Variants in TTC29 observed in about 807,000 individuals in gnomAD.
The protein encoded by TTC29 is tetratricopeptide repeat protein 29.
Under a neutral mutation model 58.1 loss-of-function variants are expected in TTC29, and 49 were observed. That is an observed-to-expected ratio of 0.84 (90% CI 0.67 to 1.07). The LOEUF is 1.07. Among genes scored for constraint, TTC29 ranks in the 50% least tolerant of loss-of-function variants. The pLI is 0.00. For missense variants in TTC29, 582 were observed against 555.6 expected (o/e 1.05, Z -0.48); for synonymous variants, 209 against 196.8 (o/e 1.06, Z -0.52).
intron 4 of TTC29, among the ~76,000 whole-genome samples, chr4:146,935,385 G>A (rs748404700): frequency 1.1e-4 from 17 of 152,210 alleles, no homozygotes; most frequent in East Asian, 9.6e-4. Context: ...TTAAAGACAC[G>A]AATAAGGCAG....
intron 10 of TTC29, among the ~76,000 whole-genome samples, chr4:146,811,891 T>C (rs1433985403): frequency 1.3e-5 from 2 of 152,220 alleles, no homozygotes; most frequent in Non-Finnish European, 2.9e-5. Flanking sequence ...GAGAACTGTT[T>C]ATTCAAATGA....
At chr4:146,906,018 G>A (rs1415038987) in intron 5 of TTC29, among the ~76,000 whole-genome samples, 1 of 152,048 alleles carries the variant, frequency 6.6e-6, no homozygotes, top group Non-Finnish European at 1.5e-5. Context: ...AAATTTAAAA[G>A]TCAAGTGTAA....
At chr4:146,785,312 C>A (rs1169116192) in intron 11 of TTC29, among the ~76,000 whole-genome samples, 2 of 151,596 alleles carry the variant, frequency 1.3e-5, no homozygotes, top group Non-Finnish European at 2.9e-5. Flanking sequence ...TCTGCCTCAG[C>A]CTCTAATTTT....
At chr4:146,892,067 C>A (rs138062337) in intron 6 of TTC29, among the ~76,000 whole-genome samples, 1 of 152,086 alleles carries the variant, frequency 6.6e-6, no homozygotes, top group Non-Finnish European at 1.5e-5. Context: ...AAATTTTAAT[C>A]CTCAGTGTTG....
chr4:146,708,883 C>T (rs570475717), intron 11 of TTC29, among the ~76,000 whole-genome samples: 158 of 152,166 alleles, frequency 1.0e-3, no homozygotes, highest in Non-Finnish European at 1.9e-3. Context: ...AGCCCAGAAA[C>T]CCATTTTTGT....
intron 8 of TTC29, among the ~76,000 whole-genome samples, chr4:146,856,314 G>T (rs372287614): frequency 2.0e-5 from 3 of 151,842 alleles, no homozygotes; most frequent in African/African-American, 7.2e-5. Flanking sequence ...TTTAAAAAAC[G>T]AATAAGTAAA....
intron 8 of TTC29, among the ~76,000 whole-genome samples, chr4:146,842,464 T>C (rs758126087): frequency 6.6e-6 from 1 of 152,062 alleles, no homozygotes; most frequent in Admixed American, 6.6e-5. Context: ...CAGGACACTC[T>C]GAAATAAATG....
intron 4 of TTC29, chr4:146,934,167 G>A (rs760448406): frequency 2.6e-5 from 4 of 152,320 alleles, no homozygotes; most frequent in Non-Finnish European, 5.9e-5. Flanking sequence ...TAGCAGGAGT[G>A]TGGTGGAGTG....
chr4:146,814,719 C>A (rs1751273395), intron 10 of TTC29, among the ~76,000 whole-genome samples: 1 of 102,660 alleles, frequency 9.7e-6, no homozygotes, highest in Non-Finnish European at 1.8e-5. Flanking sequence ...AGCGAGACTC[C>A]ATCTCAAAAA....
chr4:146,708,908 G>T (rs754193648), intron 11 of TTC29, among the ~76,000 whole-genome samples: 9 of 151,808 alleles, frequency 5.9e-5, no homozygotes, highest in Non-Finnish European at 1.0e-4. Flanking sequence ...GATTTTCTCG[G>T]TCTTCTCACT....
intron 9 of TTC29, among the ~76,000 whole-genome samples, chr4:146,832,625 C>T (rs1449457146): frequency 6.7e-6 from 1 of 148,436 alleles, no homozygotes; most frequent in African/African-American, 2.5e-5. Context: ...GAGCCCTCCT[C>T]CATGGCCAAC....
At chr4:146,944,994 A>G (rs1207925996) in intron 2 of TTC29, 37 bp downstream of exon 2, 3 of 152,244 alleles carry the variant, frequency 2.0e-5, no homozygotes, top group Admixed American at 2.0e-4. Context: ...CAAGCAGGAA[A>G]TGAGTTTGAA....
chr4:146,766,546 CCTGT>C (rs1353759221), intron 11 of TTC29, among the ~76,000 whole-genome samples: 2 of 151,778 alleles, frequency 1.3e-5, no homozygotes, highest in Admixed American at 6.6e-5. Context: ...ATATGGACAA[CCTGT>C]CTGATAAAAA....
At chr4:146,892,535 A>G (rs919431807) in intron 6 of TTC29, among the ~76,000 whole-genome samples, 2 of 152,194 alleles carry the variant, frequency 1.3e-5, no homozygotes, top group African/African-American at 4.8e-5. Flanking sequence ...GACGTATCTC[A>G]AAATAATAAG....
intron 8 of TTC29, among the ~76,000 whole-genome samples, chr4:146,836,404 C>T (rs975946870): frequency 2.0e-5 from 3 of 152,064 alleles, no homozygotes; most frequent in Non-Finnish European, 4.4e-5. Context: ...GAGGGTCTTG[C>T]AAAGGAGCTG....
intron 9 of TTC29, among the ~76,000 whole-genome samples, chr4:146,831,030 G>A (rs1728123355): frequency 6.6e-6 from 1 of 152,082 alleles, no homozygotes; most frequent in African/African-American, 2.4e-5. Context: ...ATATGTGGAG[G>A]CTTGCACTCC....
chr4:146,934,995 G>C (rs537367673), intron 4 of TTC29, among the ~76,000 whole-genome samples: 1 of 151,986 alleles, frequency 6.6e-6, no homozygotes, highest in Non-Finnish European at 1.5e-5. Context: ...ATCAAAATGG[G>C]GTAGAACCTG....
At chr4:146,886,155 A>G (rs1173270798) in intron 6 of TTC29, among the ~76,000 whole-genome samples, 1 of 151,940 alleles carries the variant, frequency 6.6e-6, no homozygotes, top group Non-Finnish European at 1.5e-5. Context: ...GTAATGTCTG[A>G]TAATCATCCT....
chr4:146,795,869 C>A (rs1316512931), intron 11 of TTC29, among the ~76,000 whole-genome samples: 1 of 152,152 alleles, frequency 6.6e-6, no homozygotes, highest in Non-Finnish European at 1.5e-5. Context: ...TCTAGCTGAA[C>A]TGGTATAATA....
Sources: gnomAD v4.1 joint callset for allele counts (sites outside exome capture counted in the v4.1 genomes callset) on GRCh38, gnomAD v4.1.1 for gene constraint, MANE v1.5 for transcripts, NCBI Gene and HGNC (gene_info 2026-07-23, HGNC 2026-07-21) for gene names.